POU6F2: variants seen among roughly 807,000 people sequenced by gnomAD.
POU6F2 encodes the protein POU class 6 homeobox 2, also known as POU domain, class 6, transcription factor 2.
In POU6F2, 31 loss-of-function variants were observed where a neutral mutation model predicts 71.3. The ratio of observed to expected loss-of-function variants is 0.43; its 90% CI spans 0.33 to 0.59. POU6F2 has a LOEUF of 0.59. Ranked by LOEUF, POU6F2 falls within the 20% of genes least tolerant of loss-of-function variation. POU6F2 has a pLI of 0.04. For missense variants in POU6F2, 783 were observed against 856.8 expected (o/e 0.91, Z 1.07); for synonymous variants, 347 against 355.7 (o/e 0.98, Z 0.27).
In POU6F2 at chr7:39,226,371, A is replaced by G. The variant is rs374447422; in HGVS notation, c.598+18751A>G. 2.6e-5 allele frequency among the ~76,000 whole-genome samples: 4 copies of G among 152,296 alleles called. No individual in the cohort carries two copies. The East Asian group carries it at 5.8e-4, about 22-fold the overall frequency. On this transcript the variant is annotated intron_variant, in intron 4 of 9. Transcript: ENST00000518318. ...CCTGTATCCTTTTCTCCATTTTCCT[A>G]TAATATGACTCATTGCACTTTTTTC...
intron 5 of POU6F2, among the ~76,000 whole-genome samples, chr7:39,365,001 G>T (rs1461764689): frequency 6.6e-6 from 1 of 152,026 alleles, no homozygotes. Context: ...GTTTTGATTT[G>T]CATTTCCTTG....
At chr7:39,457,281 C>T (rs531188874) in intron 8 of POU6F2, among the ~76,000 whole-genome samples, 1 of 152,258 alleles carries the variant, frequency 6.6e-6, no homozygotes, top group South Asian at 2.1e-4. Context: ...ACCATGGAAA[C>T]CCTTCCAGAT....
At chr7:39,132,818 AT>A (rs989903120) in intron 2 of POU6F2, among the ~76,000 whole-genome samples, 1 of 151,510 alleles carries the variant, frequency 6.6e-6, no homozygotes, top group Non-Finnish European at 1.5e-5. Context: ...CTTAAGATGG[AT>A]TTTTTTTTCT....
chr7:39,012,165 C>G lies in POU6F2; in HGVS notation c.105+34107C>G, dbSNP rs1344240547. ...CCCCATCACTTTCAGGTACACCAAT[C>G]AGACGTAGATTTGGTCTTTTCACAT... On this transcript the variant is annotated intron_variant, in intron 1 of 9. Transcript: ENST00000518318. Among the ~76,000 whole-genome samples, 279 of 151,968 alleles carry G rather than the reference C, an allele frequency of 1.8e-3. 2 individuals are homozygous for G. The highest frequency in any genetic ancestry group is 1.7e-3 in the Non-Finnish European group (113 of 67,858).
At chr7:39,214,014 T>A (rs1198258165) in intron 4 of POU6F2, among the ~76,000 whole-genome samples, 1 of 152,236 alleles carries the variant, frequency 6.6e-6, no homozygotes, top group East Asian at 1.9e-4. Context: ...AATGGGCTGC[T>A]TGATGTTTCC....
intron 4 of POU6F2, among the ~76,000 whole-genome samples, chr7:39,302,878 C>T (rs1784975958): frequency 6.6e-6 from 1 of 152,178 alleles, no homozygotes; most frequent in Admixed American, 6.5e-5. Flanking sequence ...AGGTCTAATC[C>T]AGTCCAGTGG....
chr7:39,129,175 G>C (rs894552867), intron 2 of POU6F2, among the ~76,000 whole-genome samples: 10 of 152,084 alleles, frequency 6.6e-5, no homozygotes, highest in Non-Finnish European at 1.3e-4. Flanking sequence ...GTTGTGTCTG[G>C]CCATCATTTC....
intron 5 of POU6F2, among the ~76,000 whole-genome samples, chr7:39,367,267 G>A (rs73386442): frequency 0.011 from 1,662 of 151,990 alleles, 20 homozygotes; most frequent in African/African-American, 0.039. Context: ...AAATTTAAAC[G>A]TTCAAATATA....
chr7:39,067,126 T>C (rs942488952), intron 1 of POU6F2, among the ~76,000 whole-genome samples: 7 of 149,494 alleles, frequency 4.7e-5, no homozygotes, highest in African/African-American at 1.7e-4. Context: ...ACACTATATA[T>C]GGTTCAAAAA....
intron 5 of POU6F2, among the ~76,000 whole-genome samples, chr7:39,401,038 G>A (rs1787290836): frequency 6.6e-6 from 1 of 152,210 alleles, no homozygotes; most frequent in South Asian, 2.1e-4. Context: ...TTCCACCCAG[G>A]AAGAGGAGGG....
intron 1 of POU6F2, among the ~76,000 whole-genome samples, chr7:39,039,784 GT>G (rs1461165135): frequency 1.3e-5 from 2 of 151,118 alleles, no homozygotes; most frequent in Admixed American, 6.6e-5. Flanking sequence ...TGGATTTTCA[GT>G]TTTTGAGTAA....
chr7:39,077,662 C>G (rs572485434), intron 1 of POU6F2, among the ~76,000 whole-genome samples: 1 of 152,226 alleles, frequency 6.6e-6, no homozygotes, highest in Admixed American at 6.5e-5. Flanking sequence ...AGACAAGAGA[C>G]CCTTAAACTG....
intron 1 of POU6F2, chr7:39,013,662 AATG>A (rs1394437687): frequency 6.6e-6 from 1 of 152,230 alleles, no homozygotes; most frequent in Non-Finnish European, 1.5e-5. Context: ...CCGGCATGAT[AATG>A]ATATTTTGCA....
intron 7 of POU6F2, among the ~76,000 whole-genome samples, chr7:39,446,913 A>G (rs140210152): frequency 1.3e-5 from 2 of 152,350 alleles, no homozygotes; most frequent in Non-Finnish European, 2.9e-5. Flanking sequence ...AGACGGAGAG[A>G]AACTCAAGCT....
chr7:39,257,139 T>A (rs1583478233), intron 4 of POU6F2, among the ~76,000 whole-genome samples: 1 of 152,308 alleles, frequency 6.6e-6, no homozygotes, highest in African/African-American at 2.4e-5. Flanking sequence ...ACAAGCCGCA[T>A]ACATTTATAT....
chr7:39,142,017 A>G (rs1430346323), intron 2 of POU6F2, among the ~76,000 whole-genome samples: 2 of 152,054 alleles, frequency 1.3e-5, no homozygotes, highest in Non-Finnish European at 2.9e-5. Context: ...AACTCAGGAG[A>G]TGGAGGTTGC....
At chr7:39,140,397 T>C (rs1792471626) in intron 2 of POU6F2, among the ~76,000 whole-genome samples, 1 of 152,184 alleles carries the variant, frequency 6.6e-6, no homozygotes, top group African/African-American at 2.4e-5. Context: ...TCAAACTGGA[T>C]GGTTGAAAAT....
At chr7:39,309,066 C>T (rs1381555492) in intron 4 of POU6F2, among the ~76,000 whole-genome samples, 4 of 152,248 alleles carry the variant, frequency 2.6e-5, no homozygotes, top group Non-Finnish European at 4.4e-5. Context: ...TTCTGTGTCA[C>T]CCACCCTCCT....
Position 39,215,870 on chromosome 7 carries a change from G to T in POU6F2, c.598+8250G>T, listed in dbSNP as rs900089190. 2.0e-5 allele frequency among the ~76,000 whole-genome samples: 3 copies of T among 152,194 alleles called. No homozygotes were observed. In the East Asian group the frequency reaches 5.8e-4, roughly 29 times the overall value. On this transcript the variant is annotated intron_variant, in intron 4 of 9. Transcript: ENST00000518318. ...AAATCTCAAAATCTCCAACAGGAAGGTGTGTTTCTTTGTTGATTTCATATT... is the reference window on the plus strand; with the variant it reads ...AAATCTCAAAATCTCCAACAGGAAGTTGTGTTTCTTTGTTGATTTCATATT...
Sources: gnomAD v4.1 joint callset for allele counts (sites outside exome capture counted in the v4.1 genomes callset) on GRCh38, gnomAD v4.1.1 for gene constraint, MANE v1.5 for transcripts, NCBI Gene and HGNC (gene_info 2026-07-23, HGNC 2026-07-21) for gene names.